ARHGAP17: variants seen among roughly 807,000 people sequenced by gnomAD.
ARHGAP17 encodes the protein Rho GTPase activating protein 17.
A neutral mutation model predicts 99.5 loss-of-function variants in ARHGAP17; 57 were observed. The observed-to-expected ratio is 0.57, with a 90% CI of 0.46 to 0.71. ARHGAP17 has a LOEUF of 0.71. Ranked by LOEUF, ARHGAP17 falls within the 30% of genes least tolerant of loss-of-function variation. ARHGAP17 has a pLI of 0.00. For missense variants in ARHGAP17, 1,000 were observed against 1,122.4 expected (o/e 0.89, Z 1.56); for synonymous variants, 417 against 429.6 (o/e 0.97, Z 0.36).
At chr16:25,011,628 C>T (rs2053644107) in intron 1 of ARHGAP17, among the ~76,000 whole-genome samples, 1 of 151,646 alleles carries the variant, frequency 6.6e-6, no homozygotes, top group African/African-American at 2.4e-5. Flanking sequence ...TTGCTTGAAC[C>T]TAGGAGGTGG....
Position 24,959,905 on chromosome 16 carries a change from G to A in ARHGAP17, c.642+6C>T. On this transcript the variant is annotated splice_donor_region_variant and intron_variant, in intron 8 of 19. Coordinates refer to ENST00000289968, the MANE Select transcript of ARHGAP17 (RefSeq NM_001006634.3). ...CTTTAACATTTTCTCAAGGGAAGGTGCTTACCGTAACAAAGAATTTGCCAT... is the reference window on the plus strand; with the variant it reads ...CTTTAACATTTTCTCAAGGGAAGGTACTTACCGTAACAAAGAATTTGCCAT... 6.2e-7 allele frequency: 1 copy of A among 1,613,726 alleles called. No homozygotes were observed. The highest frequency in any genetic ancestry group is 8.5e-7 in the Non-Finnish European group (1 of 1,179,674).
At chr16:24,992,207 GA>G (rs756561194) in intron 1 of ARHGAP17, among the ~76,000 whole-genome samples, 2 of 152,226 alleles carry the variant, frequency 1.3e-5, no homozygotes, top group African/African-American at 2.4e-5. Flanking sequence ...GTTTCAGAAT[GA>G]AAAGTAGAAT....
intron 3 of ARHGAP17, among the ~76,000 whole-genome samples, chr16:24,974,513 C>T (rs1162565717): frequency 6.6e-6 from 1 of 152,142 alleles, no homozygotes; most frequent in Non-Finnish European, 1.5e-5. Flanking sequence ...CCTGTGATGA[C>T]CGAACTGTCT....
At chr16:24,937,089 C>A (rs1200272575) in intron 17 of ARHGAP17, among the ~76,000 whole-genome samples, 1 of 145,838 alleles carries the variant, frequency 6.9e-6, no homozygotes, top group Non-Finnish European at 1.5e-5. Flanking sequence ...TGCCCTCCAG[C>A]GTGGGTGACA....
At chr16:24,931,455 C>A in intron 18 of ARHGAP17, 51 bp from the exon 19 acceptor site, 1 of 1,473,580 alleles carries the variant, frequency 6.8e-7, no homozygotes, top group Non-Finnish European at 8.9e-7. Context: ...GAGGCAGCAA[C>A]CAACCCTGGC....
intron 1 of ARHGAP17, among the ~76,000 whole-genome samples, chr16:24,985,885 C>T (rs1036197501): frequency 6.6e-6 from 1 of 152,040 alleles, no homozygotes; most frequent in African/African-American, 2.4e-5. Context: ...GATAGAGACA[C>T]GAGGGGCATT....
At chr16:24,978,821 T>C (rs1339476488) in intron 2 of ARHGAP17, 145 bp downstream of exon 2, 9 of 658,624 alleles carry the variant, frequency 1.4e-5, no homozygotes, top group Non-Finnish European at 2.0e-5. Context: ...AACTGTTTTC[T>C]TTCCTGCTCA....
intron 7 of ARHGAP17, among the ~76,000 whole-genome samples, chr16:24,962,958 T>C (rs756223431): frequency 2.0e-5 from 3 of 152,158 alleles, no homozygotes; most frequent in Non-Finnish European, 4.4e-5. Context: ...AAGGTATGCA[T>C]AGAGAGAGAA....
At chr16:24,949,371 A>G (rs771015748) in intron 13 of ARHGAP17, 33 bp downstream of exon 13, 14 of 1,560,218 alleles carry the variant, frequency 9.0e-6, no homozygotes, top group Non-Finnish European at 1.2e-5. Context: ...ACTTATCTTC[A>G]CTCCAGAGTC....
intron 7 of ARHGAP17, among the ~76,000 whole-genome samples, chr16:24,961,848 A>G (rs1276778595): frequency 6.7e-6 from 1 of 149,928 alleles, no homozygotes; most frequent in Admixed American, 6.6e-5. Flanking sequence ...AGAAATTTTA[A>G]GTGACAGATT....
chr16:24,926,812 A>T (rs1158802610), intron 19 of ARHGAP17, among the ~76,000 whole-genome samples: 4 of 152,208 alleles, frequency 2.6e-5, no homozygotes, highest in Non-Finnish European at 5.9e-5. Context: ...GAGATTCAAA[A>T]AACCAAGTGG....
At chr16:24,988,023 G>T (rs886171666) in intron 1 of ARHGAP17, among the ~76,000 whole-genome samples, 1 of 152,142 alleles carries the variant, frequency 6.6e-6, no homozygotes, top group African/African-American at 2.4e-5. Flanking sequence ...CATTCTGCTG[G>T]GAATCTGATT....
At chr16:25,010,978 T>C (rs1326683726) in intron 1 of ARHGAP17, among the ~76,000 whole-genome samples, 7 of 152,258 alleles carry the variant, frequency 4.6e-5, no homozygotes, top group South Asian at 4.1e-4. Flanking sequence ...AGACACTCCC[T>C]ATCAGAGCCT....
chr16:24,968,496 C>G, intron 5 of ARHGAP17, 69 bp from the exon 6 acceptor site: 2 of 1,588,052 alleles, frequency 1.3e-6, no homozygotes, highest in South Asian at 2.2e-5. Flanking sequence ...AAAGTATTTA[C>G]AAACGTTTTT....
rs140769420 is a variant in ARHGAP17 at position 24,931,252 on chromosome 16, C to T, written c.2047G>A (p.Gly683Ser). 2.3e-4 allele frequency: 358 copies of T among 1,540,272 alleles called. 1 individual carries two copies. The highest frequency in any genetic ancestry group is 1.0e-3 in the Admixed American group (51 of 49,198). The change falls in exon 19 of 20, where the codon GGC (glycine) becomes AGC (serine). Residue 683 changes from glycine to serine, a missense_variant. Physicochemically the swap from Gly to Ser is moderately conservative, Grantham distance 56. Coordinates refer to ENST00000289968, the MANE Select transcript of ARHGAP17 (RefSeq NM_001006634.3). The stretch of plus-strand genomic sequence containing the variant: ...GCGGAGGGCTGGCCTGGAGGCTGGC[C>T]CGTGTGCTGGGTGGGAGGAGAGGGG... ...RSPSPPTQHT[G>S]QPPGQPSAPS...
intron 1 of ARHGAP17, among the ~76,000 whole-genome samples, chr16:24,986,923 G>A (rs2052888139): frequency 6.6e-6 from 1 of 152,238 alleles, no homozygotes; most frequent in Admixed American, 6.5e-5. Flanking sequence ...CCCAGTGCTG[G>A]TGACACTGGT....
At chr16:24,947,330 C>T (rs1357783013) in intron 14 of ARHGAP17, 152 bp downstream of exon 14, 1 of 667,742 alleles carries the variant, frequency 1.5e-6, no homozygotes, top group Non-Finnish European at 2.5e-6. Context: ...CAGCTCACAG[C>T]TGTGTTCCAA....
chr16:24,995,337 C>G (rs1026750464), intron 1 of ARHGAP17, among the ~76,000 whole-genome samples: 5 of 152,210 alleles, frequency 3.3e-5, no homozygotes, highest in East Asian at 1.9e-4. Context: ...GAATGCAGAC[C>G]TGGGATATCA....
chr16:24,927,819 A>ATCT, intron 19 of ARHGAP17: 1 of 477,538 alleles, frequency 2.1e-6, no homozygotes, highest in Non-Finnish European at 3.3e-6. Context: ...ACTCTTTTAC[A>ATCT]TGGGAATTAA....
Sources: allele counts gnomAD v4.1 joint callset (sites outside exome capture counted in the v4.1 genomes callset), GRCh38; gene constraint gnomAD v4.1.1; transcripts MANE v1.5; gene names NCBI Gene and HGNC (gene_info 2026-07-23, HGNC 2026-07-21).